SNRPB: variants seen among roughly 807,000 people sequenced by gnomAD.
SNRPB encodes small nuclear ribonucleoprotein-associated proteins B and B'.
In SNRPB, 5 loss-of-function variants were observed where a neutral mutation model predicts 26.6. The observed-to-expected ratio is 0.19, with a 90% CI of 0.10 to 0.39. SNRPB has a LOEUF of 0.39. Ranked by LOEUF, SNRPB falls within the 10% of genes least tolerant of loss-of-function variation. SNRPB has a pLI of 1.00. For missense variants in SNRPB, 211 were observed against 311.9 expected (o/e 0.68, Z 2.44); for synonymous variants, 122 against 105.8 (o/e 1.15, Z -0.94).
chr20:2,467,419 T>C (rs888477526), intron 2 of SNRPB, 188 bp downstream of exon 2: 1 of 654,138 alleles, frequency 1.5e-6, no homozygotes, highest in African/African-American at 1.8e-5. Context: ...TTTGCTAGAC[T>C]AGAGAGCAAG....
chr20:2,469,047 T>G (rs933050317), intron 1 of SNRPB, among the ~76,000 whole-genome samples: 6 of 152,240 alleles, frequency 3.9e-5, no homozygotes, highest in African/African-American at 1.2e-4. Flanking sequence ...GATCTGAACC[T>G]TTAGGGCAAC....
chr20:2,470,091 G>A (rs1568465324), intron 1 of SNRPB, among the ~76,000 whole-genome samples: 1 of 152,224 alleles, frequency 6.6e-6, no homozygotes, highest in Non-Finnish European at 1.5e-5. Flanking sequence ...CTCTGTGAAG[G>A]AAGCAAACAT....
chr20:2,466,385 G>C (rs1473994724), intron 2 of SNRPB, among the ~76,000 whole-genome samples: 1 of 151,942 alleles, frequency 6.6e-6, no homozygotes, highest in African/African-American at 2.4e-5. Context: ...CATAAAAACA[G>C]AAACCCCCAA....
rs369465083 is a variant in SNRPB at position 2,461,890 on chromosome 20, C to T, written c.*39G>A. The T allele has an allele frequency of 4.5e-5, 73 of 1,613,738 alleles. No homozygotes were observed. Among genetic ancestry groups the T allele is most frequent in the Non-Finnish European group, 5.8e-5 (69 of 1,179,888 alleles). ...ACGTGGCCCTGAGGAATCGAGCCCA[C>T]GCCTCTGCGGAGCTACTTCCATACT... On this transcript the variant is annotated 3_prime_UTR_variant, in exon 7 of 7. Coordinates refer to ENST00000381342, the MANE Select transcript of SNRPB (RefSeq NM_003091.4).
At chr20:2,468,597 A>G (rs961864649) in intron 1 of SNRPB, among the ~76,000 whole-genome samples, 9 of 152,214 alleles carry the variant, frequency 5.9e-5, no homozygotes, top group African/African-American at 2.2e-4. Flanking sequence ...AGCTCAGACA[A>G]CAAAGTTCTG....
rs576736067 is a variant in SNRPB, at chr20:2,461,828, A to G, written c.*101T>C. 1 of 1,614,046 alleles carries G rather than the reference A, an allele frequency of 6.2e-7. No homozygotes were observed. The highest frequency in any genetic ancestry group is 1.7e-5 in the Admixed American group (1 of 59,996). ...AAACCAGACAATCCCATGAGACTCC[A>G]CGAACAACAGCATAAGAAACAAACA... On this transcript the variant is annotated 3_prime_UTR_variant, in exon 7 of 7. Coordinates refer to ENST00000381342, the MANE Select transcript of SNRPB (RefSeq NM_003091.4).
intron 6 of SNRPB, 114 bp from the exon 7 acceptor site, chr20:2,462,053 A>G (rs1043738605): frequency 5.6e-6 from 4 of 715,284 alleles, no homozygotes; most frequent in Middle Eastern, 4.1e-4. Flanking sequence ...TATACATGGC[A>G]TATGTGCTAA....
Position 2,463,693 on chromosome 20 carries a change from C to G in SNRPB, c.420+54G>C, listed in dbSNP as rs1568463084. 7.3e-7 allele frequency: 1 copy of G among 1,372,432 alleles called. No individual in the cohort carries two copies. The highest frequency in any genetic ancestry group is 1.0e-6 in the Non-Finnish European group (1 of 1,003,234). The allele number at this position is 1,372,432 out of a possible 1,614,324, so 85.0% of individuals were successfully genotyped here. Reference sequence around the variant, plus strand: ...CCCTTTTAAAACTATGGACCCTCCCCTTTATCCTTTATTTTAGCCACCAGG... The same window carrying G: ...CCCTTTTAAAACTATGGACCCTCCCGTTTATCCTTTATTTTAGCCACCAGG... On this transcript the variant is annotated intron_variant, in intron 4 of 6. Coordinates refer to ENST00000381342, the MANE Select transcript of SNRPB (RefSeq NM_003091.4). The surrounding 1 kb of genome is among the most constrained non-coding windows in gnomAD (Gnocchi z 5.0).
At chr20:2,464,813 T>C (rs1248962127) in intron 3 of SNRPB, among the ~76,000 whole-genome samples, 1 of 147,382 alleles carries the variant, frequency 6.8e-6, no homozygotes, top group African/African-American at 2.6e-5. Context: ...GAGGTTGCAA[T>C]AAGCCAAGAT....
intron 2 of SNRPB, chr20:2,467,336 C>G: frequency 1.8e-6 from 1 of 557,648 alleles, no homozygotes; most frequent in Non-Finnish European, 3.4e-6. Flanking sequence ...AACATGAGAG[C>G]CCTTTACCCC....
At chr20:2,469,321 A>G (rs2085096942) in intron 1 of SNRPB, among the ~76,000 whole-genome samples, 1 of 152,232 alleles carries the variant, frequency 6.6e-6, no homozygotes, top group Non-Finnish European at 1.5e-5. Flanking sequence ...CCCTGCTTCC[A>G]GTCCCATCGA....
chr20:2,467,512 GAACC>G, intron 2 of SNRPB, 91 bp downstream of exon 2: 1 of 1,178,214 alleles, frequency 8.5e-7, no homozygotes, highest in Non-Finnish European at 1.2e-6. Flanking sequence ...AAACAGAGAA[GAACC>G]AACTAGCTAC....
In SNRPB at chr20:2,465,803, G is replaced by C. The variant is rs1230929534; in HGVS notation, c.172C>G (p.Gln58Glu). Residue 58 changes from glutamine (Q) to glutamate (E), a missense_variant, in exon 3 of 7, where the codon CAA (glutamine) becomes GAA (glutamate). Physicochemically the swap from Gln to Glu is conservative, Grantham distance 29 (BLOSUM62 2). Coordinates refer to ENST00000381342, the MANE Select transcript of SNRPB (RefSeq NM_003091.4). ...FRKIKPKNSK[Q>E]AEREEKRVLG... ...ACTCGCTTCTCTTCCCTTTCTGCTT[G>C]TTTGGAGTTCTTTGGCCTAAAGAGA... The C allele has an allele frequency of 6.2e-7, 1 of 1,613,502 alleles. No homozygotes were observed. The highest frequency in any genetic ancestry group is 8.5e-7 in the Non-Finnish European group (1 of 1,179,910).
Position 2,461,702 on chromosome 20 carries a change from C to G in SNRPB, c.*227G>C. On this transcript the variant is annotated 3_prime_UTR_variant, in exon 7 of 7. Coordinates refer to ENST00000381342, the MANE Select transcript of SNRPB (RefSeq NM_003091.4). Reference sequence around the variant, plus strand: ...CATAGGCCACAAGGAGATAAAAGGACTATGTACAGCCTTACGGGAAACAGG... The same window carrying G: ...CATAGGCCACAAGGAGATAAAAGGAGTATGTACAGCCTTACGGGAAACAGG... 1 of 1,292,370 alleles carries G rather than the reference C, an allele frequency of 7.7e-7. No individual in the cohort carries two copies. Among genetic ancestry groups the G allele is most frequent in the East Asian group, 2.4e-5 (1 of 41,654 alleles). 80.1% of individuals were successfully genotyped at this position (1,292,370 alleles called of 1,614,324 possible). A position where few individuals can be genotyped will look rare whatever the true frequency, so the allele number is the denominator to read the frequency against.
Position 2,465,853 on chromosome 20 carries a change from T to A in SNRPB, c.156-34A>T, listed in dbSNP as rs1194156692. 3 of 1,561,554 alleles carry A rather than the reference T, an allele frequency of 1.9e-6. No homozygotes were observed. The Admixed American group carries it at 5.0e-5, about 26-fold the overall frequency. On this transcript the variant is annotated intron_variant, in intron 2 of 6. Transcript: ENST00000381342. ...AGGTTTAGAAGGAACAAAAAAAGTGTTAGAGGTGGGTAAAGTTCACCTGCC... is the reference window on the plus strand; with the variant it reads ...AGGTTTAGAAGGAACAAAAAAAGTGATAGAGGTGGGTAAAGTTCACCTGCC...
chr20:2,462,582 C>G, intron 6 of SNRPB, 54 bp downstream of exon 6: 1 of 1,510,956 alleles, frequency 6.6e-7, no homozygotes, highest in Non-Finnish European at 9.2e-7. Flanking sequence ...CCTCCATTTC[C>G]TATCCCACTA....
intron 3 of SNRPB, 104 bp downstream of exon 3, chr20:2,465,604 A>T: frequency 5.0e-6 from 4 of 795,820 alleles, no homozygotes; most frequent in Non-Finnish European, 8.3e-6. Flanking sequence ...AGGGGGCAAA[A>T]TCCAGAGGAT....
Position 2,462,706 on chromosome 20 carries a change from G to C in SNRPB, c.615C>G (p.Ile205Met), listed in dbSNP as rs143558376. Residue 205 changes from isoleucine to methionine, a missense_variant, in exon 6 of 7, where the codon ATC becomes ATG. By Grantham distance (10) the Ile-to-Met change is conservative. Coordinates refer to ENST00000381342, the MANE Select transcript of SNRPB (RefSeq NM_003091.4). ...MRPPMGPPMG[I>M]PPGRGTPMGM... The stretch of plus-strand genomic sequence containing the variant: ...CCATTGGAGTCCCTCTTCCAGGGGG[G>C]ATCCCCATTGGGGGACCCATAGGAG... 463 of 1,590,194 alleles carry C rather than the reference G, an allele frequency of 2.9e-4. No homozygotes were observed. Among genetic ancestry groups the C allele is most frequent in the Non-Finnish European group, 3.8e-4 (438 of 1,161,488 alleles).
chr20:2,466,398 A>T (rs190492690), intron 2 of SNRPB, among the ~76,000 whole-genome samples: 3 of 152,368 alleles, frequency 2.0e-5, no homozygotes, highest in East Asian at 3.9e-4. Flanking sequence ...ACCCCCAAAA[A>T]GCAACAACCA....
Sources: gnomAD v4.1 joint callset for allele counts (sites outside exome capture counted in the v4.1 genomes callset) on GRCh38, gnomAD v4.1.1 for gene constraint, Gnocchi (gnomAD v3.1) non-coding constraint, MANE v1.5 for transcripts, NCBI Gene and HGNC (gene_info 2026-07-23, HGNC 2026-07-21) for gene names.